The following DPY19L4 variants were observed in gnomAD, a reference collection of about 807,000 sequenced individuals.
The protein encoded by DPY19L4 is dpy-19 like 4.
In DPY19L4, 97 loss-of-function variants were observed where a neutral mutation model predicts 102.8. The observed-to-expected ratio is 0.94, with a 90% CI of 0.80 to 1.12. DPY19L4 has a LOEUF of 1.12. Ranked by LOEUF, DPY19L4 falls within the 50% of genes most tolerant of loss-of-function variation. DPY19L4 has a pLI of 0.00. For missense variants in DPY19L4, 815 were observed against 850.4 expected, an observed-to-expected ratio of 0.96 and a Z score of 0.52; for synonymous variants, 252 against 283.1, an observed-to-expected ratio of 0.89 and a Z score of 1.10.
chr8:94,734,679 G>A lies in DPY19L4; in HGVS notation c.177G>A (p.Ala59=), dbSNP rs139618366. ...AGATTTTCATTGGCTGTCTTGCAGCGGTTACTAGTGGTATGATGTATGCTC... is the reference window on the plus strand; with the variant it reads ...AGATTTTCATTGGCTGTCTTGCAGCAGTTACTAGTGGTATGATGTATGCTC... ...FAKIFIGCLA[A]VTSGMMYALY... The change falls in exon 3 of 19, where the codon GCG becomes GCA. Residue 59 remains alanine, a synonymous_variant. Transcript: ENST00000414645. The A allele has an allele frequency of 5.0e-3, 8,029 of 1,613,918 alleles. 29 individuals carry two copies. The highest frequency in any genetic ancestry group is 6.0e-3 in the Non-Finnish European group (7,067 of 1,179,946).
intron 7 of DPY19L4, among the ~76,000 whole-genome samples, chr8:94,756,672 A>T (rs926139873): frequency 3.3e-5 from 5 of 152,134 alleles, no homozygotes; most frequent in African/African-American, 1.2e-4. Flanking sequence ...TGTTATTGTT[A>T]TTGTTGTTGC....
intron 2 of DPY19L4, among the ~76,000 whole-genome samples, chr8:94,732,472 T>G (rs957681588): frequency 3.9e-5 from 6 of 152,164 alleles, no homozygotes; most frequent in African/African-American, 1.4e-4. Context: ...TGGAAGGATC[T>G]GTTGAGACCA....
intron 14 of DPY19L4, among the ~76,000 whole-genome samples, chr8:94,778,938 G>A (rs1330980670): frequency 6.6e-6 from 1 of 152,138 alleles, no homozygotes; most frequent in African/African-American, 2.4e-5. Context: ...TGGGGTCCCT[G>A]GGTGTCATGC....
Position 94,739,539 on chromosome 8 carries a change from G to A in DPY19L4, c.465+5G>A. 2 of 1,598,378 alleles carry A rather than the reference G, an allele frequency of 1.3e-6. No homozygotes were observed. Among genetic ancestry groups the A allele is most frequent in the South Asian group, 2.3e-5 (2 of 87,686 alleles). On this transcript the variant is annotated splice_donor_5th_base_variant and intron_variant, in intron 5 of 18. Transcript: ENST00000414645. ...TATCAAGCCACTGGTAGCAATGTAT[G>A]TATTTTTCGTTGGACCCTAATATTT...
chr8:94,763,052 G>A (rs1375007505), intron 8 of DPY19L4, among the ~76,000 whole-genome samples: 5 of 149,170 alleles, frequency 3.4e-5, no homozygotes, highest in East Asian at 2.1e-4. Flanking sequence ...GGCTTCAAGC[G>A]ATTCTCCTGC....
chr8:94,763,936 C>T (rs192769130), intron 8 of DPY19L4, among the ~76,000 whole-genome samples: 3 of 152,200 alleles, frequency 2.0e-5, no homozygotes, highest in Admixed American at 1.3e-4. Flanking sequence ...TGCCTCCCAG[C>T]GTGCTGGGAT....
At chr8:94,727,182 G>T (rs543286647) in intron 2 of DPY19L4, among the ~76,000 whole-genome samples, 1 of 152,182 alleles carries the variant, frequency 6.6e-6, no homozygotes, top group East Asian at 1.9e-4. Flanking sequence ...TAGCTGGAAG[G>T]ACTCACAAGT....
intron 17 of DPY19L4, among the ~76,000 whole-genome samples, chr8:94,786,424 CATTTATTT>C (rs10576755): frequency 6.7e-6 from 1 of 149,426 alleles, no homozygotes; most frequent in Non-Finnish European, 1.5e-5. Flanking sequence ...CATGCCCGGC[CATTTATTT>C]ATTTATTTAT....
At position 94,764,717 on chromosome 8, in the gene DPY19L4, A is replaced by ATTTTTTTT. The variant is rs869220296; in HGVS notation, c.871-448_871-441dup. On this transcript the variant is annotated intron_variant, in intron 8 of 18. Transcript: ENST00000414645. ...TATATATATATATATATATATATAT[A>ATTTTTTTT]TTTTTTTTTTTTTTTTTTTTTTTTT... Among the ~76,000 whole-genome samples the ATTTTTTTT allele has an allele frequency of 4.4e-4, 13 of 29,322 alleles. 1 individual carries two copies. Among genetic ancestry groups the ATTTTTTTT allele is most frequent in the African/African-American group, 5.6e-4 (4 of 7,138 alleles). 19.2% of individuals were successfully genotyped at this position (29,322 alleles called of 152,430 possible).
At chr8:94,764,259 T>C (rs1812529972) in intron 8 of DPY19L4, among the ~76,000 whole-genome samples, 1 of 152,280 alleles carries the variant, frequency 6.6e-6, no homozygotes, top group East Asian at 1.9e-4. Flanking sequence ...AAGCTCTTTA[T>C]TTTGTTTCCA....
intron 13 of DPY19L4, among the ~76,000 whole-genome samples, chr8:94,773,086 C>CT (rs2130908618): frequency 6.6e-6 from 1 of 151,888 alleles, no homozygotes; most frequent in South Asian, 2.1e-4. Context: ...TGGTGGCAGG[C>CT]ACCTGTAATC....
In DPY19L4 at chr8:94,727,066, A is replaced by G. The variant is rs57579522; in HGVS notation, c.127+625A>G. The stretch of plus-strand genomic sequence containing the variant: ...ATCTTGAACCCAAAGGCTTATCTAC[A>G]TCAGGGCCAGCTATGACTCATTCTA... On this transcript the variant is annotated intron_variant, in intron 2 of 18. Transcript: ENST00000414645. Among the ~76,000 whole-genome samples, 24 of 152,296 alleles carry G rather than the reference A, an allele frequency of 1.6e-4. No homozygotes were observed. In the East Asian group the frequency reaches 4.6e-3, roughly 29 times the overall value.
chr8:94,720,252 G>A (rs903056610), intron 1 of DPY19L4: 3 of 985,416 alleles, frequency 3.0e-6, no homozygotes, highest in Non-Finnish European at 3.6e-6. Flanking sequence ...GCTGAAAGTT[G>A]GGAATCCGTA....
At chr8:94,783,591 A>G in intron 16 of DPY19L4, 79 bp from the exon 17 acceptor site, 1 of 1,493,512 alleles carries the variant, frequency 6.7e-7, no homozygotes, top group South Asian at 1.3e-5. Flanking sequence ...GTTGTCTGGT[A>G]TTTCAGAGTT....
At chr8:94,772,804 A>C (rs1812989482) in intron 13 of DPY19L4, among the ~76,000 whole-genome samples, 1 of 152,264 alleles carries the variant, frequency 6.6e-6, no homozygotes, top group Non-Finnish European at 1.5e-5. Context: ...AGATGCTCTT[A>C]TCAGGCAAGA....
intron 6 of DPY19L4, among the ~76,000 whole-genome samples, chr8:94,752,184 G>A (rs759250825): frequency 6.6e-6 from 1 of 152,024 alleles, no homozygotes; most frequent in African/African-American, 2.4e-5. Context: ...GTTCCATGTC[G>A]TCTATATTCT....
intron 13 of DPY19L4, 80 bp downstream of exon 13, chr8:94,770,651 A>C: frequency 6.3e-7 from 1 of 1,577,918 alleles, no homozygotes; most frequent in African/African-American, 1.4e-5. Context: ...TAATCCCAGC[A>C]CTTTGGGAGG....
At chr8:94,731,302 C>A (rs1414158974) in intron 2 of DPY19L4, among the ~76,000 whole-genome samples, 3 of 152,162 alleles carry the variant, frequency 2.0e-5, no homozygotes, top group African/African-American at 7.2e-5. Flanking sequence ...TTAATGATTT[C>A]ATATATTTTT....
intron 1 of DPY19L4, among the ~76,000 whole-genome samples, chr8:94,723,001 A>G (rs897221718): frequency 1.3e-5 from 2 of 152,234 alleles, no homozygotes; most frequent in Admixed American, 1.3e-4. Flanking sequence ...CAGTATTAAC[A>G]TTTCACTTGG....
Sources: gnomAD v4.1 joint callset for allele counts (sites outside exome capture counted in the v4.1 genomes callset) on GRCh38, gnomAD v4.1.1 for gene constraint, MANE v1.5 for transcripts, NCBI Gene and HGNC (gene_info 2026-07-23, HGNC 2026-07-21) for gene names.